The following TRPM2 variants were observed in gnomAD, a reference collection of about 807,000 sequenced individuals.
The protein encoded by TRPM2 is estrogen-responsive element-associated gene 1 protein.
TRPM2 carries 161 observed loss-of-function variants against 174.0 expected under a neutral mutation model. The ratio of observed to expected loss-of-function variants is 0.93; its 90% confidence interval spans 0.81 to 1.05. The LOEUF (loss-of-function observed/expected upper bound fraction) is 1.05. Ranked by LOEUF, TRPM2 falls within the 50% of genes least tolerant of loss-of-function variation. TRPM2 has a pLI of 0.00. For missense variants in TRPM2, 2,057 were observed against 2,038.0 expected (o/e 1.01, Z -0.18); for synonymous variants, 954 against 861.3 (o/e 1.11, Z -1.88).
chr21:44,371,102 G>A (rs2048526538), intron 5 of TRPM2, among the ~76,000 whole-genome samples: 1 of 152,220 alleles, frequency 6.6e-6, no homozygotes, highest in South Asian at 2.1e-4. Flanking sequence ...TCCAGCCATC[G>A]GTGTTGGCGG....
At chr21:44,382,565 T>C (rs1424928103) in intron 8 of TRPM2, among the ~76,000 whole-genome samples, 153 bp from the exon 9 acceptor site, 2 of 152,116 alleles carry the variant, frequency 1.3e-5, no homozygotes, top group Non-Finnish European at 2.9e-5. Flanking sequence ...ATCTGCACCA[T>C]CTAGGGCAAG....
rs564378777 is a variant in TRPM2 at position 44,435,709 on chromosome 21, A to T, written c.4061+492A>T. Among the ~76,000 whole-genome samples, 447 of 80,286 alleles carry T rather than the reference A, an allele frequency of 5.6e-3. 5 individuals are homozygous for T. The highest frequency in any genetic ancestry group is 0.024 in the Middle Eastern group (2 of 82). The allele number at this position is 80,286 out of a possible 152,430, so 52.7% of individuals were successfully genotyped here. ...CTCACCCCTCAGACTCACTTTCCAC[A>T]CCCATCCACGGGGACACAGCCCCAC... is the stretch of plus-strand genomic sequence containing the variant. On this transcript the variant is annotated intron_variant, in intron 28 of 31. Transcript: ENST00000397928.
At chr21:44,387,833 A>G (rs936141240) in intron 9 of TRPM2, among the ~76,000 whole-genome samples, 9 of 152,252 alleles carry the variant, frequency 5.9e-5, no homozygotes, top group African/African-American at 2.2e-4. Flanking sequence ...GCAGATCAAA[A>G]CTAAGAGATA....
intron 2 of TRPM2, among the ~76,000 whole-genome samples, chr21:44,363,429 G>A (rs932608259): frequency 1.1e-4 from 17 of 152,008 alleles, no homozygotes; most frequent in African/African-American, 4.1e-4. Flanking sequence ...TCCTGCTCCT[G>A]GGTTCTTTCC....
chr21:44,391,711 T>C lies in TRPM2; in HGVS notation c.1794+86T>C. 1 of 1,239,306 alleles carries C rather than the reference T, an allele frequency of 8.1e-7. No homozygotes were observed. Among genetic ancestry groups the C allele is most frequent in the Non-Finnish European group, 1.1e-6 (1 of 919,076 alleles). 76.8% of individuals were successfully genotyped at this position (1,239,306 alleles called of 1,614,324 possible). A position where few individuals can be genotyped will look rare whatever the true frequency, so the allele number is the denominator to read the frequency against. On this transcript the variant is annotated intron_variant, in intron 11 of 31. Transcript: ENST00000397928. The surrounding 1 kb of genome is among the most constrained non-coding windows in gnomAD (Gnocchi z 5.0). The stretch of plus-strand genomic sequence containing the variant: ...AGAGCTCTCTGTTTTTAAAATTAGC[T>C]TTTATTTTTATTAGAAAAGACACAT...
Position 44,391,565 on chromosome 21 carries a change from C to T in TRPM2, c.1734C>T (p.Pro578=), listed in dbSNP as rs1165774647. The change falls in exon 11 of 32, where the codon CCC becomes CCT. Residue 578 remains proline (P), a synonymous_variant. Coordinates refer to ENST00000397928, the MANE Select transcript of TRPM2 (RefSeq NM_003307.4). This position sits in a 1 kb window ranked among gnomAD's most constrained non-coding sequence, Gnocchi z 5.0. ...LLGDFTQPLY[P]RPRHNDRLRL... ...GGGACTTCACGCAGCCGCTTTATCC[C>T]CGGCCCCGGCACAACGACCGGCTGC... 2 of 1,594,462 alleles carry T rather than the reference C, an allele frequency of 1.3e-6. No individual in the cohort carries two copies. The highest frequency in any genetic ancestry group is 1.7e-6 in the Non-Finnish European group (2 of 1,176,046).
At chr21:44,405,707 C>T (rs1440033253) in intron 17 of TRPM2, among the ~76,000 whole-genome samples, 198 bp from the exon 18 acceptor site, 1 of 152,158 alleles carries the variant, frequency 6.6e-6, no homozygotes. Flanking sequence ...CCCTGTGGGG[C>T]TGGGCGTCTG....
chr21:44,435,248 T>G, intron 28 of TRPM2, 31 bp downstream of exon 28: 1 of 1,599,696 alleles, frequency 6.3e-7, no homozygotes, highest in Non-Finnish European at 8.6e-7. Flanking sequence ...CACCAGCACC[T>G]CAGCAAGGCG....
At chr21:44,441,038 G>T in intron 31 of TRPM2, 133 bp downstream of exon 31, 2 of 753,658 alleles carry the variant, frequency 2.7e-6, no homozygotes, top group East Asian at 2.6e-5. Context: ...CGTGGCCTCC[G>T]GGGAGAGGGA....
intron 24 of TRPM2, chr21:44,425,245 A>T (rs376050135): frequency 3.3e-5 from 14 of 424,238 alleles, no homozygotes; most frequent in African/African-American, 2.2e-4. Flanking sequence ...GGGCGGCTGC[A>T]GACTGTGTCT....
intron 22 of TRPM2, 54 bp downstream of exon 22, chr21:44,418,609 A>T: frequency 6.2e-7 from 1 of 1,604,868 alleles, no homozygotes; most frequent in Non-Finnish European, 8.5e-7. Context: ...GACCTCCTGC[A>T]GGTCCACAGG....
chr21:44,375,967 GA>G lies in TRPM2; in HGVS notation c.907del (p.Thr303ProfsTer76), dbSNP rs1569033013. ...AGTACGGGGTGGAGATTCCTCTGAG[GA>G]CCAGGCTGGAGAAGTTCATATCGGA... Reference protein sequence around the residue: ...GQYGVEIPLRTRLEKFISEQT... With the variant: ...GQYGVEIPLRXRLEKFISEQT... On this transcript the variant is annotated frameshift_variant, in exon 6 of 32. Coordinates refer to ENST00000397928, the MANE Select transcript of TRPM2 (RefSeq NM_003307.4). LOFTEE classifies it high-confidence loss of function. 7 of 1,613,960 alleles carry G rather than the reference GA, an allele frequency of 4.3e-6. No homozygotes were observed. Among genetic ancestry groups the G allele is most frequent in the Non-Finnish European group, 5.9e-6 (7 of 1,180,000 alleles).
rs1380461789 is a variant in TRPM2 at position 44,439,039 on chromosome 21, G to A, written c.4168-28G>A. On this transcript the variant is annotated intron_variant, in intron 29 of 31. Coordinates refer to ENST00000397928, the MANE Select transcript of TRPM2 (RefSeq NM_003307.4). The surrounding 1 kb of genome is among the most constrained non-coding windows in gnomAD (Gnocchi z 5.1). ...TGAGGTCCCGCTTCGGTGCCCTGTT[G>A]ACCTGCCTCCGTCCTCTGTCTGTCC... The A allele has an allele frequency of 1.9e-6, 3 of 1,598,524 alleles. No individual in the cohort carries two copies. The highest frequency in any genetic ancestry group is 2.6e-6 in the Non-Finnish European group (3 of 1,169,788).
rs767003745 is a variant in TRPM2 at position 44,391,648 on chromosome 21, A to G, written c.1794+23A>G. On this transcript the variant is annotated intron_variant, in intron 11 of 31. Transcript: ENST00000397928. The surrounding 1 kb of genome is among the most constrained non-coding windows in gnomAD (Gnocchi z 5.0). ...AACGTGCGTGCTGGTAACGGGGCCC[A>G]TCCTGGACTCGTCTTCGCGGGCTAC... The G allele has an allele frequency of 6.5e-7, 1 of 1,536,300 alleles. No individual in the cohort carries two copies. Among genetic ancestry groups the G allele is most frequent in the Non-Finnish European group, 8.7e-7 (1 of 1,148,284 alleles).
chr21:44,388,889 C>T (rs76447813), intron 9 of TRPM2, among the ~76,000 whole-genome samples: 5,830 of 152,132 alleles, frequency 0.038, 330 homozygotes, highest in African/African-American at 0.12. Context: ...TTATGCTACA[C>T]GTATTTTACC....
chr21:44,437,494 G>A (rs1241424010), intron 29 of TRPM2, among the ~76,000 whole-genome samples: 1 of 152,150 alleles, frequency 6.6e-6, no homozygotes, highest in Non-Finnish European at 1.5e-5. Context: ...GGGGGCAGAG[G>A]TAGCTCTTCT....
chr21:44,379,724 G>C (rs940615176), intron 8 of TRPM2, among the ~76,000 whole-genome samples: 3 of 152,230 alleles, frequency 2.0e-5, no homozygotes, highest in African/African-American at 7.2e-5. Flanking sequence ...GAAGGGCCGT[G>C]GTTGGCCAGC....
chr21:44,352,256 G>A (rs1241299488), upstream of TRPM2, among the ~76,000 whole-genome samples: 1 of 152,206 alleles, frequency 6.6e-6, no homozygotes, highest in Non-Finnish European at 1.5e-5. Flanking sequence ...GGAAAAGGCC[G>A]GGCAGGGCAC....
At chr21:44,406,059 C>A (rs777380057) in intron 18 of TRPM2, 22 bp downstream of exon 18, 7 of 1,600,712 alleles carry the variant, frequency 4.4e-6, no homozygotes, top group Middle Eastern at 1.6e-4. Flanking sequence ...GGGGCACCGG[C>A]TCCATCGCGG....
Sources: gnomAD v4.1 joint callset for allele counts (sites outside exome capture counted in the v4.1 genomes callset) on GRCh38, gnomAD v4.1.1 for gene constraint, Gnocchi (gnomAD v3.1) non-coding constraint, MANE v1.5 for transcripts, NCBI Gene and HGNC (gene_info 2026-07-23, HGNC 2026-07-21) for gene names.